RORA: variants seen among roughly 807,000 people sequenced by gnomAD.
RORA encodes the protein RAR related orphan receptor A.
RORA carries 7 observed loss-of-function variants against 69.5 expected under a neutral mutation model. The ratio of observed to expected loss-of-function variants is 0.10; its 90% CI spans 0.06 to 0.19. The LOEUF is 0.19. RORA is among the 10% of genes least tolerant of loss of function. The pLI, the probability that RORA is intolerant of heterozygous loss-of-function variation, is 1.00. For synonymous variants in RORA, 261 were observed against 240.8 expected, an observed-to-expected ratio of 1.08 and a Z score of -0.78; for missense variants, 457 against 663.0, an observed-to-expected ratio of 0.69 and a Z score of 3.41.
Position 60,759,905 on chromosome 15 carries a change from A to G in RORA, c.167-81219T>C, listed in dbSNP as rs776538945. The stretch of plus-strand genomic sequence containing the variant: ...TTCCCCCATTGAGGAGATAAAAAGT[A>G]CTTTGTTAGATTTAATTTCTTTGGT... On this transcript the variant is annotated intron_variant, in intron 1 of 10. Transcript: ENST00000335670. 1.3e-4 allele frequency among the ~76,000 whole-genome samples: 20 copies of G among 152,334 alleles called. No homozygotes were observed. In the South Asian group the frequency reaches 2.7e-3, roughly 21 times the overall value.
chr15:61,088,473 G>T (rs1399447427), intron 1 of RORA, among the ~76,000 whole-genome samples: 4 of 152,146 alleles, frequency 2.6e-5, no homozygotes, highest in Non-Finnish European at 5.9e-5. Context: ...AAAGCGGTGG[G>T]GGATGGGGCG....
At chr15:61,136,916 T>C (rs1391125420) in intron 1 of RORA, among the ~76,000 whole-genome samples, 1 of 151,914 alleles carries the variant, frequency 6.6e-6, no homozygotes, top group African/African-American at 2.4e-5. Flanking sequence ...AGATATTTCC[T>C]GGAATTTGCT....
At position 60,531,743 on chromosome 15, in the gene RORA, C is replaced by T. The variant is rs1446444764; in HGVS notation, c.282+23G>A. ...ATATTCTAACAAACATTAATAGAAA[C>T]AACAACAATTAAAAAGGCTTACCTT... On this transcript the variant is annotated intron_variant, in intron 3 of 10. Transcript: ENST00000335670. The surrounding 1 kb of genome is among the most constrained non-coding windows in gnomAD (Gnocchi z 4.8). The T allele has an allele frequency of 1.5e-6, 2 of 1,306,830 alleles. No homozygotes were observed. The highest frequency in any genetic ancestry group is 2.1e-6 in the Non-Finnish European group (2 of 935,840). The allele number at this position is 1,306,830 out of a possible 1,614,324, so 81.0% of individuals were successfully genotyped here. A position where few individuals can be genotyped will look rare whatever the true frequency, so the allele number is the denominator to read the frequency against.
chr15:60,772,974 G>A (rs913346694), intron 1 of RORA, among the ~76,000 whole-genome samples: 1 of 152,182 alleles, frequency 6.6e-6, no homozygotes, highest in Non-Finnish European at 1.5e-5. Flanking sequence ...AGTTTTCCAG[G>A]GCTGCTTTAT....
intron 1 of RORA, among the ~76,000 whole-genome samples, chr15:61,089,881 G>A (rs2078680343): frequency 6.6e-6 from 1 of 152,112 alleles, no homozygotes; most frequent in Non-Finnish European, 1.5e-5. Context: ...AAAGATGGAG[G>A]GTAGAACATT....
chr15:60,836,046 C>G (rs1184297315), intron 1 of RORA, among the ~76,000 whole-genome samples: 1 of 152,218 alleles, frequency 6.6e-6, no homozygotes, highest in African/African-American at 2.4e-5. Context: ...GGGTGTCCAC[C>G]AGTGACAGGC....
intron 1 of RORA, among the ~76,000 whole-genome samples, chr15:60,728,074 G>A (rs1011380254): frequency 1.3e-5 from 2 of 152,196 alleles, no homozygotes; most frequent in African/African-American, 4.8e-5. Context: ...AAGAACGAAT[G>A]CCAAAGGATT....
chr15:60,850,260 AC>A (rs1312856889), intron 1 of RORA, among the ~76,000 whole-genome samples: 2 of 152,186 alleles, frequency 1.3e-5, no homozygotes, highest in African/African-American at 4.8e-5. Context: ...GGAACTTAGA[AC>A]AACCCTCTTT....
intron 1 of RORA, among the ~76,000 whole-genome samples, chr15:60,997,039 TTGTG>T (rs10687177): frequency 1.8e-4 from 27 of 148,408 alleles, no homozygotes; most frequent in Non-Finnish European, 2.4e-4. Context: ...ATATTGGGGT[TTGTG>T]TGTGTGTGTG....
At chr15:60,498,296 T>A (rs1224513476) in intron 10 of RORA, among the ~76,000 whole-genome samples, 1 of 152,108 alleles carries the variant, frequency 6.6e-6, no homozygotes, top group Admixed American at 6.6e-5. Context: ...TGCAAAAAGA[T>A]GTCTAGTGAT....
At chr15:60,984,631 G>C (rs559909966) in intron 1 of RORA, among the ~76,000 whole-genome samples, 78 of 152,082 alleles carry the variant, frequency 5.1e-4, no homozygotes, top group Non-Finnish European at 9.9e-4. Context: ...ATTTGGAGCA[G>C]AGCTGATTTG....
chr15:60,627,416 G>T, intron 2 of RORA: 1 of 1,612,668 alleles, frequency 6.2e-7, no homozygotes, highest in Non-Finnish European at 8.5e-7. Flanking sequence ...AACTGGGGCT[G>T]TGCTTTGCCC....
intron 1 of RORA, among the ~76,000 whole-genome samples, chr15:61,224,457 GC>G (rs1393791668): frequency 7.9e-5 from 12 of 152,316 alleles, no homozygotes; most frequent in African/African-American, 2.9e-4. Context: ...TCATCAAGTA[GC>G]CTGGGAAGAT....
At chr15:60,819,759 A>ACACACACG (rs1555455750) in intron 1 of RORA, among the ~76,000 whole-genome samples, 1 of 132,798 alleles carries the variant, frequency 7.5e-6, no homozygotes, top group Non-Finnish European at 1.7e-5. Flanking sequence ...ACACACACAC[A>ACACACACG]CACACACACA....
intron 2 of RORA, among the ~76,000 whole-genome samples, chr15:60,567,416 A>ATT (rs199954074): frequency 4.9e-5 from 7 of 142,782 alleles, no homozygotes; most frequent in Non-Finnish European, 6.1e-5. Flanking sequence ...TATTATTATT[A>ATT]TTTTTTTTTT....
chr15:60,530,394 T>C (rs1441467838), intron 3 of RORA: 2 of 152,202 alleles, frequency 1.3e-5, no homozygotes, highest in Admixed American at 1.3e-4. Flanking sequence ...TGGACTCAAG[T>C]GATAAACCTG....
intron 1 of RORA, among the ~76,000 whole-genome samples, chr15:60,744,999 C>T (rs2140853866): frequency 6.6e-6 from 1 of 152,330 alleles, no homozygotes; most frequent in African/African-American, 2.4e-5. Context: ...TGCCTGGCCA[C>T]CGCGCCCTGT....
rs1380606396 is a variant in RORA, at chr15:60,493,780, T to TA, written c.*3674dup. 3 of 152,130 alleles carry TA rather than the reference T, an allele frequency of 2.0e-5. No individual in the cohort carries two copies. The highest frequency in any genetic ancestry group is 2.1e-4 in the South Asian group (1 of 4,834). The allele number at this position is 152,130 out of a possible 1,614,324, so 9.4% of individuals were successfully genotyped here. On this transcript the variant is annotated 3_prime_UTR_variant, in exon 11 of 11. Coordinates refer to ENST00000335670, the MANE Select transcript of RORA (RefSeq NM_134261.3). ...TGCCATCAAATATTTATAGAAGGGT[T>TA]AAAAAAATAGAAGTCTCTCTAAAGT...
chr15:60,588,255 A>C (rs1209380740), intron 2 of RORA, among the ~76,000 whole-genome samples: 1 of 152,228 alleles, frequency 6.6e-6, no homozygotes, highest in African/African-American at 2.4e-5. Context: ...AAATTATTAA[A>C]TATGAAATAC....
Sources: gnomAD v4.1 joint callset for allele counts (sites outside exome capture counted in the v4.1 genomes callset) on GRCh38, gnomAD v4.1.1 for gene constraint, Gnocchi (gnomAD v3.1) non-coding constraint, MANE v1.5 for transcripts, NCBI Gene and HGNC (gene_info 2026-07-23, HGNC 2026-07-21) for gene names.